Variants in PTPRD observed in about 807,000 individuals in gnomAD.
PTPRD encodes protein tyrosine phosphatase receptor type D.
PTPRD carries 34 observed loss-of-function variants against 214.5 expected under a neutral mutation model. The observed-to-expected ratio is 0.16, with a 90% CI of 0.12 to 0.21. PTPRD has a LOEUF of 0.21. Among genes scored for constraint, PTPRD ranks in the 10% least tolerant of loss-of-function variants. The pLI, the probability that PTPRD is intolerant of heterozygous loss-of-function variation, is 1.00. For synonymous variants in PTPRD, 1,128 were observed against 845.7 expected, an observed-to-expected ratio of 1.33 and a Z score of -5.79; for missense variants, 2,545 against 2,398.7, an observed-to-expected ratio of 1.06 and a Z score of -1.27.
chr9:9,161,989 A>G (rs1051139559), intron 10 of PTPRD, among the ~76,000 whole-genome samples: 7 of 152,072 alleles, frequency 4.6e-5, no homozygotes, highest in Non-Finnish European at 8.8e-5. Flanking sequence ...CTTGAATCCT[A>G]AAAGAGTAGC....
intron 2 of PTPRD, among the ~76,000 whole-genome samples, chr9:10,504,058 G>A (rs1360647381): frequency 3.7e-5 from 5 of 135,082 alleles, no homozygotes. Context: ...AGAGCTTGCA[G>A]TGAGCCGAGA....
rs561071689 is a variant in PTPRD at position 9,588,535 on chromosome 9, C to T, written c.-286-13754G>A. Among the ~76,000 whole-genome samples, 19 of 152,024 alleles carry T rather than the reference C, an allele frequency of 1.2e-4. No homozygotes were observed. In the South Asian group the frequency reaches 3.7e-3, roughly 30 times the overall value. On this transcript the variant is annotated intron_variant, in intron 7 of 45. Transcript: ENST00000381196. ...TCTATAATATGGTAGTTTTTGATTA[C>T]TCAGACTTTGATGATCAAGTTTATC...
intron 3 of PTPRD, among the ~76,000 whole-genome samples, chr9:10,164,676 T>G (rs1564249880): frequency 6.6e-6 from 1 of 151,606 alleles, no homozygotes; most frequent in African/African-American, 2.4e-5. Context: ...ATATCAAAGA[T>G]TTATTTGAAA....
intron 5 of PTPRD, among the ~76,000 whole-genome samples, chr9:9,879,355 G>A (rs28540524): frequency 0.025 from 3,757 of 152,178 alleles, 58 homozygotes; most frequent in Middle Eastern, 0.044. Context: ...CACTTGTGAT[G>A]AGAAAAAAAT....
intron 10 of PTPRD, among the ~76,000 whole-genome samples, chr9:9,082,468 G>T (rs1299950608): frequency 6.6e-6 from 1 of 151,260 alleles, no homozygotes; most frequent in African/African-American, 2.4e-5. Context: ...ACAATAAGAG[G>T]TATTTATGAC....
rs923527651 is a variant in PTPRD at position 8,519,113 on chromosome 9, T to C, written c.962-684A>G. ...CCAAAAATTTTAAGGTGCAAAAGAATAGAAATTTCAAATCAATGCTTTATT... is the reference window on the plus strand; with the variant it reads ...CCAAAAATTTTAAGGTGCAAAAGAACAGAAATTTCAAATCAATGCTTTATT... On this transcript the variant is annotated intron_variant, in intron 20 of 45. Coordinates refer to ENST00000381196, the MANE Select transcript of PTPRD (RefSeq NM_002839.4). 9.2e-5 allele frequency among the ~76,000 whole-genome samples: 14 copies of C among 152,178 alleles called. No individual in the cohort carries two copies. The East Asian group carries it at 1.7e-3, about 19-fold the overall frequency.
At chr9:9,007,897 TG>T (rs202108721) in intron 11 of PTPRD, among the ~76,000 whole-genome samples, 21 of 141,668 alleles carry the variant, frequency 1.5e-4, no homozygotes, top group Admixed American at 2.2e-4. Context: ...TTTTTTTTTT[TG>T]TTTTTGAAAT....
At chr9:10,553,938 G>C (rs1022139882) in intron 2 of PTPRD, among the ~76,000 whole-genome samples, 2 of 152,102 alleles carry the variant, frequency 1.3e-5, no homozygotes, top group Non-Finnish European at 2.9e-5. Context: ...CAGTTTCTGG[G>C]AGACTGCTGT....
At chr9:9,421,495 C>T (rs1889104) in intron 8 of PTPRD, among the ~76,000 whole-genome samples, 122,507 of 152,054 alleles carry the variant, frequency 0.81, 49,485 homozygotes, top group Non-Finnish European at 0.81. Context: ...GTGTGCCTCA[C>T]CTGTGGTACT....
intron 11 of PTPRD, among the ~76,000 whole-genome samples, chr9:8,786,819 C>G (rs1365085564): frequency 6.6e-6 from 1 of 151,932 alleles, no homozygotes; most frequent in Non-Finnish European, 1.5e-5. Context: ...GAGCGTGAAT[C>G]TATTTTAAGT....
At chr9:8,629,106 A>T (rs1020510280) in intron 14 of PTPRD, among the ~76,000 whole-genome samples, 19 of 151,762 alleles carry the variant, frequency 1.3e-4, no homozygotes, top group African/African-American at 4.6e-4. Context: ...GTATTTTCTG[A>T]TTACTCCCCT....
chr9:8,936,202 G>C (rs1478011266), intron 11 of PTPRD: 1 of 152,024 alleles, frequency 6.6e-6, no homozygotes, highest in Non-Finnish European at 1.5e-5. Context: ...CTTGAGCTCA[G>C]GGGTTTGAGA....
chr9:8,802,639 T>C (rs997336999), intron 11 of PTPRD, among the ~76,000 whole-genome samples: 2 of 152,200 alleles, frequency 1.3e-5, no homozygotes, highest in East Asian at 1.9e-4. Flanking sequence ...CTAGGTCAAT[T>C]TGTAGATCCT....
chr9:9,326,955 C>G (rs573101805), intron 9 of PTPRD, among the ~76,000 whole-genome samples: 1 of 152,140 alleles, frequency 6.6e-6, no homozygotes, highest in East Asian at 1.9e-4. Flanking sequence ...GTGTCCTAGT[C>G]ACTATTAGGT....
At chr9:8,485,062 C>A (rs2096970114) in intron 29 of PTPRD, among the ~76,000 whole-genome samples, 165 bp downstream of exon 29, 1 of 152,208 alleles carries the variant, frequency 6.6e-6, no homozygotes, top group Non-Finnish European at 1.5e-5. Context: ...GTAAAGGACA[C>A]ACTTACAAAG....
chr9:8,784,236 A>C (rs1016752125), intron 11 of PTPRD, among the ~76,000 whole-genome samples: 3 of 152,178 alleles, frequency 2.0e-5, no homozygotes, highest in African/African-American at 7.2e-5. Context: ...GGCAAACAAA[A>C]CGACATGACC....
chr9:8,575,559 A>T (rs1447262861), intron 14 of PTPRD, among the ~76,000 whole-genome samples: 1 of 152,128 alleles, frequency 6.6e-6, no homozygotes, highest in Non-Finnish European at 1.5e-5. Flanking sequence ...ACCAGACGAT[A>T]ATCTAGACCA....
At chr9:8,941,652 C>A (rs952900513) in intron 11 of PTPRD, among the ~76,000 whole-genome samples, 7 of 152,084 alleles carry the variant, frequency 4.6e-5, no homozygotes, top group Non-Finnish European at 1.0e-4. Context: ...TATTATATTT[C>A]ACAAAGTTAA....
intron 9 of PTPRD, among the ~76,000 whole-genome samples, chr9:9,240,612 A>G (rs2099969878): frequency 6.6e-6 from 1 of 152,168 alleles, no homozygotes; most frequent in Non-Finnish European, 1.5e-5. Context: ...AAAGAGAGAC[A>G]CTAAAGCAAT....
Sources: gnomAD v4.1 joint callset for allele counts (sites outside exome capture counted in the v4.1 genomes callset) on GRCh38, gnomAD v4.1.1 for gene constraint, MANE v1.5 for transcripts, NCBI Gene and HGNC (gene_info 2026-07-23, HGNC 2026-07-21) for gene names.